Variants in OSBPL6 observed in about 807,000 individuals in gnomAD.
The protein encoded by OSBPL6 is oxysterol-binding protein-related protein 6.
In OSBPL6, 49 loss-of-function variants were observed where a neutral mutation model predicts 125.8. The observed-to-expected ratio is 0.39, with a 90% CI of 0.31 to 0.49. The LOEUF (loss-of-function observed/expected upper bound fraction) is 0.49, where lower values mean the gene tolerates loss of function less well. Among genes scored for constraint, OSBPL6 ranks in the 20% least tolerant of loss-of-function variants. The probability of loss-of-function intolerance (pLI) is 0.88; values close to 1 mark genes in which losing one functional copy is unlikely to be tolerated. For synonymous variants in OSBPL6, 394 were observed against 391.8 expected, an observed-to-expected ratio of 1.01 and a Z score of -0.07; for missense variants, 986 against 1,135.4, an observed-to-expected ratio of 0.87 and a Z score of 1.89.
At chr2:178,261,437 TA>T (rs966419424) in intron 1 of OSBPL6, among the ~76,000 whole-genome samples, 1 of 145,498 alleles carries the variant, frequency 6.9e-6, no homozygotes, top group African/African-American at 2.5e-5. Context: ...GAGAACTAAC[TA>T]AAAAATGATT....
intron 1 of OSBPL6, among the ~76,000 whole-genome samples, chr2:178,275,976 C>G (rs1002532421): frequency 1.3e-5 from 2 of 152,148 alleles, no homozygotes; most frequent in African/African-American, 4.8e-5. Context: ...AAGTCACTTT[C>G]AATGGTAAAT....
chr2:178,257,443 T>A (rs115138918), intron 1 of OSBPL6, among the ~76,000 whole-genome samples: 2,038 of 152,316 alleles, frequency 0.013, 45 homozygotes, highest in African/African-American at 0.047. Context: ...TTATTTCTAT[T>A]GCTATTTTTT....
At chr2:178,349,850 A>C (rs1278664902) in intron 12 of OSBPL6, among the ~76,000 whole-genome samples, 1 of 152,226 alleles carries the variant, frequency 6.6e-6, no homozygotes, top group East Asian at 1.9e-4. Context: ...GACTAGCCCC[A>C]GTCACTGGGA....
At chr2:178,253,202 A>G (rs563253491) in intron 1 of OSBPL6, among the ~76,000 whole-genome samples, 3 of 152,028 alleles carry the variant, frequency 2.0e-5, no homozygotes, top group Admixed American at 1.3e-4. Flanking sequence ...TTGTATTTTT[A>G]GTACAGATGG....
intron 4 of OSBPL6, among the ~76,000 whole-genome samples, 200 bp downstream of exon 4, chr2:178,324,469 G>T (rs544872394): frequency 6.6e-5 from 10 of 152,270 alleles, no homozygotes; most frequent in African/African-American, 2.4e-4. Flanking sequence ...ATACTTTGCT[G>T]GGATTTGTAG....
Position 178,396,176 on chromosome 2 carries a change from AAC to A in OSBPL6, c.*619_*620del, listed in dbSNP as rs1312609281. 2.5e-5 allele frequency: 4 copies of A among 160,676 alleles called. No homozygotes were observed. Among genetic ancestry groups the A allele is most frequent in the Admixed American group, 5.9e-5 (1 of 16,870 alleles). 10.0% of individuals were successfully genotyped at this position (160,676 alleles called of 1,614,324 possible). A position where few individuals can be genotyped will look rare whatever the true frequency, so the allele number is the denominator to read the frequency against. On this transcript the variant is annotated 3_prime_UTR_variant, in exon 25 of 25. Transcript: ENST00000190611. ...TGTGTGCTCATAGGTTTATGTGAAG[AAC>A]AGATTTTTTGAATCATGGCATGATT...
chr2:178,395,493 C>T lies in OSBPL6; in HGVS notation c.2739C>T (p.Asn913=), dbSNP rs781399954. 15 of 1,613,772 alleles carry T rather than the reference C, an allele frequency of 9.3e-6. No individual in the cohort carries two copies. The highest frequency in any genetic ancestry group is 8.9e-5 in the East Asian group (4 of 44,856). Residue 913 remains asparagine (N), a synonymous_variant, in exon 25 of 25, where the codon AAC becomes AAT. Transcript: ENST00000190611. The stretch of plus-strand genomic sequence containing the variant: ...ATCAAAGAGAAGCCTGGGTTTCTAA[C>T]GACACCTACTGGGAGCTTCGAAAGG... The part of the protein sequence containing the change: ...DANQREAWVS[N]DTYWELRKDP...
At chr2:178,352,879 C>T (rs778017537) in intron 12 of OSBPL6, among the ~76,000 whole-genome samples, 8 of 152,258 alleles carry the variant, frequency 5.3e-5, no homozygotes, top group East Asian at 3.9e-4. Flanking sequence ...CTCTCTGAGA[C>T]GAAGCTTCCA....
intron 1 of OSBPL6, among the ~76,000 whole-genome samples, chr2:178,219,159 G>A (rs2090230694): frequency 6.6e-6 from 1 of 152,162 alleles, no homozygotes; most frequent in African/African-American, 2.4e-5. Flanking sequence ...GACTGTTAGT[G>A]ATAGACTGTA....
chr2:178,372,516 T>C (rs1489384792), intron 14 of OSBPL6, among the ~76,000 whole-genome samples: 1 of 152,044 alleles, frequency 6.6e-6, no homozygotes, highest in East Asian at 1.9e-4. Flanking sequence ...TTTCAATGTC[T>C]GTCTCATTCA....
chr2:178,361,734 G>A lies in OSBPL6; in HGVS notation c.1206G>A (p.Lys402=). 1 of 1,614,190 alleles carries A rather than the reference G, an allele frequency of 6.2e-7. No individual in the cohort carries two copies. The highest frequency in any genetic ancestry group is 8.5e-7 in the Non-Finnish European group (1 of 1,180,012). ...ATAGCATAGCTATAGAGAAGGAGAAGCTGAAGCAGATGGTTTCCGAGCAGG... is the reference window on the plus strand; with the variant it reads ...ATAGCATAGCTATAGAGAAGGAGAAACTGAAGCAGATGGTTTCCGAGCAGG... The part of the protein sequence containing the change: ...AFNSIAIEKE[K]LKQMVSEQDH... The change falls in exon 13 of 25, where the codon AAG becomes AAA. Residue 402 remains lysine, a synonymous_variant. Transcript: ENST00000190611.
At chr2:178,361,569 A>T in intron 12 of OSBPL6, 113 bp from the exon 13 acceptor site, 1 of 1,299,230 alleles carries the variant, frequency 7.7e-7, no homozygotes, top group Non-Finnish European at 1.1e-6. Context: ...AGACTATTAC[A>T]TAGCCTTTCC....
intron 14 of OSBPL6, 51 bp from the exon 15 acceptor site, chr2:178,373,839 T>C: frequency 6.2e-7 from 1 of 1,601,694 alleles, no homozygotes; most frequent in East Asian, 2.2e-5. Flanking sequence ...AAGGAATAGC[T>C]ATTCTAACAG....
intron 1 of OSBPL6, among the ~76,000 whole-genome samples, chr2:178,210,053 T>G (rs1292239722): frequency 6.6e-6 from 1 of 152,104 alleles, no homozygotes; most frequent in Non-Finnish European, 1.5e-5. Context: ...AGGGTCTCAC[T>G]CTATCACCCA....
chr2:178,282,081 A>G (rs1187979053), intron 1 of OSBPL6, among the ~76,000 whole-genome samples: 1 of 152,226 alleles, frequency 6.6e-6, no homozygotes, highest in African/African-American at 2.4e-5. Flanking sequence ...CACAAATAGA[A>G]CTGACCAAAA....
At position 178,367,229 on chromosome 2, in the gene OSBPL6, G is replaced by A. The variant is rs755579861; in HGVS notation, c.1288-4897G>A. On this transcript the variant is annotated intron_variant, in intron 13 of 24. Transcript: ENST00000190611. The stretch of plus-strand genomic sequence containing the variant: ...GAAATGGGCCAAGCTACCAACAGTC[G>A]GGTAGTAAGATGCATTTTTTAAAAA... 1.8e-4 allele frequency among the ~76,000 whole-genome samples: 28 copies of A among 152,038 alleles called. 1 individual carries two copies. The highest frequency in any genetic ancestry group is 3.4e-4 in the Non-Finnish European group (23 of 67,994).
intron 4 of OSBPL6, 35 bp downstream of exon 4, chr2:178,324,304 A>G: frequency 1.4e-6 from 2 of 1,450,034 alleles, no homozygotes; most frequent in African/African-American, 1.4e-5. Context: ...CTCTGCTGGC[A>G]TGATGCCTGC....
At position 178,397,926 on chromosome 2, in the gene OSBPL6, A is replaced by G. The variant is rs1695943110; in HGVS notation, c.*2367A>G. The G allele has an allele frequency of 6.6e-6, 1 of 152,230 alleles. No homozygotes were observed. Among genetic ancestry groups the G allele is most frequent in the Non-Finnish European group, 1.5e-5 (1 of 68,034 alleles). 9.4% of individuals were successfully genotyped at this position (152,230 alleles called of 1,614,324 possible). ...AATGAGAAAAATGTCTATTAAAATC[A>G]CTACATTTGATAATATCTCAGATTT... On this transcript the variant is annotated 3_prime_UTR_variant, in exon 25 of 25. Coordinates refer to ENST00000190611, the MANE Select transcript of OSBPL6 (RefSeq NM_032523.4).
intron 13 of OSBPL6, among the ~76,000 whole-genome samples, chr2:178,365,371 AT>A (rs1692736416): frequency 6.6e-6 from 1 of 152,196 alleles, no homozygotes; most frequent in African/African-American, 2.4e-5. Flanking sequence ...TGAAATTAGC[AT>A]TTTTACAACA....
Sources: allele counts gnomAD v4.1 joint callset (sites outside exome capture counted in the v4.1 genomes callset), GRCh38; gene constraint gnomAD v4.1.1; transcripts MANE v1.5; gene names NCBI Gene and HGNC (gene_info 2026-07-23, HGNC 2026-07-21).